Variants in MILR1 observed in about 807,000 individuals in gnomAD.
The protein encoded by MILR1 is allergin-1.
A neutral mutation model predicts 18.5 loss-of-function variants in MILR1; 31 were observed. That is an observed-to-expected ratio of 1.68 (90% CI 1.26 to 2.26). MILR1 has a LOEUF of 2.26. MILR1 is among the 30% of genes most tolerant of loss of function. MILR1 has a pLI of 0.00. For synonymous variants in MILR1, 85 were observed against 56.2 expected (o/e 1.51, Z -2.30); for missense variants, 257 against 157.4 (o/e 1.63, Z -3.38).
the MILR1 span, among the ~76,000 whole-genome samples, chr17:64,484,727 T>C: frequency 1.3e-5 from 2 of 152,330 alleles, no homozygotes; most frequent in East Asian, 3.9e-4. Flanking sequence ...AAACCATTTA[T>C]AAACCCCATT....
chr17:64,480,219 T>G, the MILR1 span: 1 of 482,168 alleles, frequency 2.1e-6, no homozygotes, highest in African/African-American at 2.1e-5. Flanking sequence ...AGAGATTTGT[T>G]TCTGTAATTC....
At chr17:64,496,224 T>C in the MILR1 span, among the ~76,000 whole-genome samples, 10 of 152,156 alleles carry the variant, frequency 6.6e-5, no homozygotes, top group African/African-American at 1.7e-4. Flanking sequence ...ACAGCAATGA[T>C]TCCATGGACC....
chr17:64,473,181 C>T (rs934239578), downstream of MILR1, among the ~76,000 whole-genome samples: 3 of 151,998 alleles, frequency 2.0e-5, no homozygotes, highest in African/African-American at 7.3e-5. Context: ...AACCCCGTCT[C>T]TACTAAAAAA....
intron 5 of MILR1, among the ~76,000 whole-genome samples, chr17:64,463,698 T>C (rs1232841247): frequency 6.6e-6 from 1 of 152,026 alleles, no homozygotes; most frequent in Non-Finnish European, 1.5e-5. Flanking sequence ...TTTTTAGAGA[T>C]GGGGCTTCAC....
Position 64,468,617 on chromosome 17 carries a change from C to T in MILR1, c.*336C>T. The T allele has an allele frequency of 2.6e-6, 3 of 1,132,110 alleles. No individual in the cohort carries two copies. Among genetic ancestry groups the T allele is most frequent in the Non-Finnish European group, 3.3e-6 (3 of 915,646 alleles). 70.1% of individuals were successfully genotyped at this position (1,132,110 alleles called of 1,614,324 possible). A position where few individuals can be genotyped will look rare whatever the true frequency, so the allele number is the denominator to read the frequency against. On this transcript the variant is annotated 3_prime_UTR_variant, in exon 10 of 10. Transcript: ENST00000619286. ...AATCGCTTTAGTAAATAAAGGGTCT[C>T]CAAGAATAAATTCATCCGAACATGC...
At chr17:64,491,460 T>C in the MILR1 span, 1 of 995,436 alleles carries the variant, frequency 1.0e-6, no homozygotes, top group East Asian at 2.5e-5. Context: ...CAGTGAGCTG[T>C]GATTGTGCAA....
intron 8 of MILR1, among the ~76,000 whole-genome samples, chr17:64,467,301 G>A (rs1227173579): frequency 6.7e-6 from 1 of 148,998 alleles, no homozygotes; most frequent in Non-Finnish European, 1.5e-5. Context: ...ATAGAGACAA[G>A]TATCTTGCTA....
the MILR1 span, among the ~76,000 whole-genome samples, chr17:64,476,728 T>C: frequency 4.0e-5 from 6 of 151,714 alleles, no homozygotes; most frequent in African/African-American, 1.5e-4. Flanking sequence ...TGGCTCAAAA[T>C]TGTTATCCCA....
At chr17:64,475,775 A>C in the MILR1 span, among the ~76,000 whole-genome samples, 1 of 150,752 alleles carries the variant, frequency 6.6e-6, no homozygotes, top group Admixed American at 6.6e-5. Context: ...TGGCCACCCC[A>C]AAAAAGAAAC....
At chr17:64,458,684 C>T (rs2037357073) in intron 4 of MILR1, among the ~76,000 whole-genome samples, 1 of 151,956 alleles carries the variant, frequency 6.6e-6, no homozygotes, top group African/African-American at 2.4e-5. Context: ...TATGCACCTT[C>T]CCCTAGGCTG....
the MILR1 span, chr17:64,497,111 A>C: frequency 3.6e-4 from 305 of 837,690 alleles, 4 homozygotes; most frequent in South Asian, 4.0e-3. Flanking sequence ...CCCACCCCGG[A>C]AGCGCATGTC....
the MILR1 span, chr17:64,486,992 ATCTT>A: frequency 1.3e-5 from 2 of 152,178 alleles, no homozygotes; most frequent in Non-Finnish European, 2.9e-5. Context: ...TTCCACTTTC[ATCTT>A]TCTTTTTTTG....
intron 4 of MILR1, among the ~76,000 whole-genome samples, chr17:64,458,725 A>G (rs2037358210): frequency 1.3e-5 from 2 of 151,846 alleles, no homozygotes; most frequent in Admixed American, 1.3e-4. Flanking sequence ...GGATGCAGCC[A>G]CCTGAACCCT....
chr17:64,455,790 G>A (rs1430483378), intron 3 of MILR1, among the ~76,000 whole-genome samples: 1 of 151,926 alleles, frequency 6.6e-6, no homozygotes, highest in Admixed American at 6.6e-5. Context: ...TGTAATCCCA[G>A]CACTTTGGGA....
chr17:64,465,667 C>G, intron 6 of MILR1, 126 bp downstream of exon 6: 1 of 875,664 alleles, frequency 1.1e-6, no homozygotes, highest in Non-Finnish European at 1.8e-6. Flanking sequence ...TCTATTGATG[C>G]CCAGTCCCAC....
chr17:64,476,779 G>T, the MILR1 span, among the ~76,000 whole-genome samples: 1 of 151,516 alleles, frequency 6.6e-6, no homozygotes, highest in Non-Finnish European at 1.5e-5. Context: ...CTTGAGGCTC[G>T]GAGTGAAAGA....
At chr17:64,471,189 G>A (rs2037682493), downstream of MILR1, among the ~76,000 whole-genome samples, 1 of 152,038 alleles carries the variant, frequency 6.6e-6, no homozygotes, top group Non-Finnish European at 1.5e-5. Flanking sequence ...GGTGGCCCTA[G>A]GAAGCAGGCC....
At chr17:64,489,663 G>A in the MILR1 span, among the ~76,000 whole-genome samples, 1 of 152,052 alleles carries the variant, frequency 6.6e-6, no homozygotes, top group Non-Finnish European at 1.5e-5. Context: ...GGGAGGCTGA[G>A]GCAGGATTGC....
At chr17:64,494,909 C>G in the MILR1 span, among the ~76,000 whole-genome samples, 1 of 152,220 alleles carries the variant, frequency 6.6e-6, no homozygotes, top group Admixed American at 6.5e-5. Flanking sequence ...CGCAGTGGCT[C>G]ACGCCTGTAA....
Sources: allele counts gnomAD v4.1 joint callset (sites outside exome capture counted in the v4.1 genomes callset), GRCh38; gene constraint gnomAD v4.1.1; transcripts MANE v1.5; gene names NCBI Gene and HGNC (gene_info 2026-07-23, HGNC 2026-07-21).